Variants in AGBL4 observed in about 807,000 individuals in gnomAD.
The protein encoded by AGBL4 is cytosolic carboxypeptidase 6.
Under a neutral mutation model 66.4 loss-of-function variants are expected in AGBL4, and 58 were observed. The observed-to-expected ratio is 0.87, with a 90% CI of 0.71 to 1.09. The LOEUF is 1.09. Ranked by LOEUF, AGBL4 falls within the 50% of genes least tolerant of loss-of-function variation. The pLI is 0.00. For synonymous variants in AGBL4, 234 were observed against 222.9 expected, an observed-to-expected ratio of 1.05 and a Z score of -0.44; for missense variants, 579 against 631.0, an observed-to-expected ratio of 0.92 and a Z score of 0.88.
chr1:49,378,026 C>T (rs1644508110), intron 3 of AGBL4, among the ~76,000 whole-genome samples: 1 of 145,580 alleles, frequency 6.9e-6, no homozygotes, highest in Non-Finnish European at 1.5e-5. Flanking sequence ...CATGCCTTGT[C>T]TCCCAACACA....
intron 6 of AGBL4, among the ~76,000 whole-genome samples, chr1:48,811,657 G>A (rs185315013): frequency 6.6e-5 from 10 of 151,978 alleles, no homozygotes; most frequent in African/African-American, 7.2e-5. Context: ...TAGGATCCCC[G>A]TTTCCTAGTT....
intron 3 of AGBL4, among the ~76,000 whole-genome samples, chr1:49,398,327 CTCTCTT>C (rs1334232611): frequency 3.0e-5 from 3 of 99,276 alleles, no homozygotes; most frequent in Non-Finnish European, 6.4e-5. Flanking sequence ...CTCTCCCTCT[CTCTCTT>C]TCTCTCTCTC....
intron 6 of AGBL4, among the ~76,000 whole-genome samples, chr1:48,778,277 T>C (rs751895175): frequency 6.6e-5 from 10 of 152,162 alleles, no homozygotes; most frequent in Non-Finnish European, 1.5e-4. Flanking sequence ...GTGCTGGTGA[T>C]AGAAATGAAA....
chr1:49,987,966 A>C (rs911515651), intron 1 of AGBL4, among the ~76,000 whole-genome samples: 3 of 151,682 alleles, frequency 2.0e-5, no homozygotes, highest in Admixed American at 6.6e-5. Flanking sequence ...AAAAAAAAAA[A>C]CCCCTATTCT....
Position 48,862,576 on chromosome 1 carries a change from C to G in AGBL4, c.634+4615G>C, listed in dbSNP as rs1395141198. Among the ~76,000 whole-genome samples the G allele has an allele frequency of 2.0e-5, 3 of 152,194 alleles. No homozygotes were observed. In the East Asian group the frequency reaches 5.8e-4, roughly 29 times the overall value. ...GACCTCGTGATCTGCCTGCCTCAGC[C>G]TCCCAGTGTGCTGGGATTACAGGTG... On this transcript the variant is annotated intron_variant, in intron 6 of 13. Coordinates refer to ENST00000371839, the MANE Select transcript of AGBL4 (RefSeq NM_032785.4).
chr1:49,449,018 T>C (rs553475795), intron 3 of AGBL4, among the ~76,000 whole-genome samples: 73 of 152,136 alleles, frequency 4.8e-4, no homozygotes, highest in African/African-American at 1.8e-3. Context: ...TATAAAATAA[T>C]TGAAAACTGA....
At chr1:49,070,604 C>G (rs12028678) in intron 4 of AGBL4, among the ~76,000 whole-genome samples, 6,714 of 151,994 alleles carry the variant, frequency 0.044, 206 homozygotes, top group East Asian at 0.074. Context: ...GGTGGATAAG[C>G]TTTTTGATGT....
chr1:49,454,838 A>G (rs1646355390), intron 3 of AGBL4, among the ~76,000 whole-genome samples: 1 of 151,664 alleles, frequency 6.6e-6, no homozygotes, highest in African/African-American at 2.4e-5. Context: ...TGATGTTACT[A>G]AAGCCACAGT....
intron 4 of AGBL4, among the ~76,000 whole-genome samples, chr1:49,208,393 A>G (rs1570073171): frequency 6.6e-6 from 1 of 152,102 alleles, no homozygotes; most frequent in South Asian, 2.1e-4. Flanking sequence ...CTTAGGTCAT[A>G]CCCTATCAGC....
At chr1:48,913,703 A>G (rs965524147) in intron 5 of AGBL4, among the ~76,000 whole-genome samples, 4 of 152,214 alleles carry the variant, frequency 2.6e-5, no homozygotes, top group Non-Finnish European at 5.9e-5. Flanking sequence ...TACTTATTTC[A>G]TTACATGTTA....
At chr1:49,341,990 T>C (rs1645548673) in intron 3 of AGBL4, among the ~76,000 whole-genome samples, 1 of 152,192 alleles carries the variant, frequency 6.6e-6, no homozygotes, top group Non-Finnish European at 1.5e-5. Flanking sequence ...ATGGCTTCCC[T>C]GGTTTACTGG....
At chr1:49,567,614 T>A (rs946033292) in intron 3 of AGBL4, among the ~76,000 whole-genome samples, 1 of 152,190 alleles carries the variant, frequency 6.6e-6, no homozygotes, top group African/African-American at 2.4e-5. Context: ...CATGTGCAGG[T>A]TTGTTACATA....
intron 3 of AGBL4, among the ~76,000 whole-genome samples, chr1:49,584,601 G>T (rs1644611519): frequency 6.6e-6 from 1 of 152,062 alleles, no homozygotes; most frequent in African/African-American, 2.4e-5. Flanking sequence ...TTTACCAGAG[G>T]TAGACCCAGG....
At chr1:49,984,935 G>A (rs1659372148) in intron 1 of AGBL4, among the ~76,000 whole-genome samples, 1 of 152,142 alleles carries the variant, frequency 6.6e-6, no homozygotes, top group Non-Finnish European at 1.5e-5. Context: ...GTTAACAATA[G>A]AACCCTGGAA....
At chr1:49,044,849 C>T (rs1046259959) in intron 5 of AGBL4, among the ~76,000 whole-genome samples, 5 of 152,140 alleles carry the variant, frequency 3.3e-5, no homozygotes. Context: ...AATAAATTCT[C>T]CCTTAAAGCC....
intron 1 of AGBL4, among the ~76,000 whole-genome samples, chr1:49,879,671 G>C (rs1208664141): frequency 7.1e-6 from 1 of 141,670 alleles, no homozygotes; most frequent in East Asian, 2.0e-4. Context: ...GTATCTTTAT[G>C]GCGTTCTCTG....
chr1:50,005,457 T>C (rs1661056771), intron 1 of AGBL4, among the ~76,000 whole-genome samples: 1 of 152,122 alleles, frequency 6.6e-6, no homozygotes, highest in Admixed American at 6.5e-5. Context: ...AATGCACATA[T>C]AGTTGCAGTA....
intron 5 of AGBL4, among the ~76,000 whole-genome samples, chr1:48,943,841 A>G (rs1656225146): frequency 6.6e-6 from 1 of 152,080 alleles, no homozygotes; most frequent in South Asian, 2.1e-4. Context: ...GTATGTATAC[A>G]CGTGTGCGTG....
intron 3 of AGBL4, among the ~76,000 whole-genome samples, chr1:49,347,256 T>C (rs371313104): frequency 3.3e-4 from 49 of 147,640 alleles, no homozygotes; most frequent in African/African-American, 6.4e-4. Flanking sequence ...TTCTTTCTTT[T>C]TTTTTTTTTT....
Sources: allele counts gnomAD v4.1 joint callset (sites outside exome capture counted in the v4.1 genomes callset), GRCh38; gene constraint gnomAD v4.1.1; transcripts MANE v1.5; gene names NCBI Gene and HGNC (gene_info 2026-07-23, HGNC 2026-07-21).